EIF5: variants seen among roughly 807,000 people sequenced by gnomAD.
The protein encoded by EIF5 is eukaryotic translation initiation factor 5.
Under a neutral mutation model 48.3 loss-of-function variants are expected in EIF5, and 10 were observed. The ratio of observed to expected loss-of-function variants is 0.21; its 90% CI spans 0.13 to 0.35. EIF5 has a LOEUF of 0.35. EIF5 is among the 10% of genes least tolerant of loss of function. The pLI is 1.00. For synonymous variants in EIF5, 237 were observed against 173.1 expected, an observed-to-expected ratio of 1.37 and a Z score of -2.90; for missense variants, 397 against 533.2, an observed-to-expected ratio of 0.74 and a Z score of 2.51.
chr14:103,339,280 T>C lies in EIF5; in HGVS notation c.853T>C (p.Phe285Leu), dbSNP rs775190276. ...CCCTCTTGTTCTAACTGAAGTTCTT[T>C]TTAATGAGAAGATTAGAGAACAGAT... ...MGPLVLTEVLFNEKIREQIKK... is the reference protein window; with the variant it reads ...MGPLVLTEVLLNEKIREQIKK... Residue 285 changes from phenylalanine to leucine, a missense_variant, in exon 9 of 12, where the codon TTT (phenylalanine) becomes CTT (leucine). Phe to Leu is a conservative substitution (Grantham distance 22). This residue lies in a region of EIF5 where 160 missense variants were observed against 184.8 expected (regional missense o/e 0.87). Coordinates refer to ENST00000216554, the MANE Select transcript of EIF5 (RefSeq NM_001969.5). 1 of 1,610,722 alleles carries C rather than the reference T, an allele frequency of 6.2e-7. No individual in the cohort carries two copies. The highest frequency in any genetic ancestry group is 1.3e-5 in the African/African-American group (1 of 74,736).
chr14:103,340,700 C>T, intron 11 of EIF5, 139 bp downstream of exon 11: 2 of 1,182,092 alleles, frequency 1.7e-6, no homozygotes, highest in Non-Finnish European at 2.4e-6. Flanking sequence ...AATACAGCCT[C>T]TCAATAATTT....
intron 4 of EIF5, chr14:103,336,391 G>T: frequency 1.8e-6 from 1 of 565,426 alleles, no homozygotes; most frequent in Admixed American, 3.3e-5. Context: ...GACCAGCCTA[G>T]CCAACATAGT....
rs757572285 is a variant in EIF5, at chr14:103,344,228, CAG to C, written c.*3177_*3178del. On this transcript the variant is annotated 3_prime_UTR_variant, in exon 12 of 12. Coordinates refer to ENST00000216554, the MANE Select transcript of EIF5 (RefSeq NM_001969.5). ...AGCCTTTGTTAATAGGTTGGGAGCT[CAG>C]GGTGTTTATGTCCACCTGTCTGGTC... is the stretch of plus-strand genomic sequence containing the variant. The C allele has an allele frequency of 1.3e-5, 2 of 152,152 alleles. No homozygotes were observed. The highest frequency in any genetic ancestry group is 2.9e-5 in the Non-Finnish European group (2 of 68,038). The allele number at this position is 152,152 out of a possible 1,614,324, so 9.4% of individuals were successfully genotyped here.
At chr14:103,336,205 C>A in intron 4 of EIF5, 88 bp downstream of exon 4, 1 of 1,284,006 alleles carries the variant, frequency 7.8e-7, no homozygotes, top group Non-Finnish European at 1.1e-6. Context: ...TAATTGTATG[C>A]TAGCTAATTA....
rs541940673 is a variant in EIF5 at position 103,336,517 on chromosome 14, G to A, written c.155-160G>A. 2.1e-5 allele frequency: 15 copies of A among 719,208 alleles called. 1 individual carries two copies. The South Asian group carries it at 2.3e-4, about 11-fold the overall frequency. 44.6% of individuals were successfully genotyped at this position (719,208 alleles called of 1,614,324 possible). On this transcript the variant is annotated intron_variant, in intron 4 of 11. Coordinates refer to ENST00000216554, the MANE Select transcript of EIF5 (RefSeq NM_001969.5). ...AATCGCTTGAACCCCGGAAACGGAG[G>A]TTGCAGTGAGCTGAGACCACGCCGT...
At chr14:103,340,751 C>T (rs1410075075) in intron 11 of EIF5, among the ~76,000 whole-genome samples, 190 bp downstream of exon 11, 4 of 151,972 alleles carry the variant, frequency 2.6e-5, no homozygotes, top group Non-Finnish European at 5.9e-5. Context: ...TGTTCCTACT[C>T]CTACACATTA....
In EIF5 at chr14:103,343,471, T is replaced by A. The variant is rs970620344; in HGVS notation, c.*2419T>A. 5 of 152,216 alleles carry A rather than the reference T, an allele frequency of 3.3e-5. No homozygotes were observed. The highest frequency in any genetic ancestry group is 4.8e-5 in the African/African-American group (2 of 41,458). The allele number at this position is 152,216 out of a possible 1,614,324, so 9.4% of individuals were successfully genotyped here. Reference sequence around the variant, plus strand: ...GTGAATAATTGTATATATCTCTAGTTAAGAATGAGGGAATGGGGAGGTTTG... The same window carrying A: ...GTGAATAATTGTATATATCTCTAGTAAAGAATGAGGGAATGGGGAGGTTTG... On this transcript the variant is annotated 3_prime_UTR_variant, in exon 12 of 12. Transcript: ENST00000216554.
In EIF5 at chr14:103,338,788, G is replaced by C. The variant is rs2089319472; in HGVS notation, c.639G>C (p.Arg213Ser). ...AAGATACAACTGAGGAAGCTCAAAG[G>C]CGTCGAATGGATGAAATCAGTGACC... is the stretch of plus-strand genomic sequence containing the variant. ...WGEDTTEEAQ[R>S]RRMDEISDHA... The change falls in exon 8 of 12, where the codon AGG (arginine) becomes AGC (serine). Residue 213 changes from arginine (R) to serine (S), a missense_variant. Transcript: ENST00000216554. 6.2e-7 allele frequency: 1 copy of C among 1,614,082 alleles called. No individual in the cohort carries two copies. The highest frequency in any genetic ancestry group is 8.5e-7 in the Non-Finnish European group (1 of 1,180,048).
Position 103,343,077 on chromosome 14 carries a change from C to T in EIF5, c.*2025C>T, listed in dbSNP as rs1289025090. On this transcript the variant is annotated 3_prime_UTR_variant, in exon 12 of 12. Transcript: ENST00000216554. ...AATCTGAACTTTGTTCACAGGTTATCCTAATAGAGTAATTCTTCACTTTGC... is the reference window on the plus strand; with the variant it reads ...AATCTGAACTTTGTTCACAGGTTATTCTAATAGAGTAATTCTTCACTTTGC... 6.6e-6 allele frequency: 1 copy of T among 152,618 alleles called. No individual in the cohort carries two copies. Among genetic ancestry groups the T allele is most frequent in the Non-Finnish European group, 1.5e-5 (1 of 68,038 alleles). 9.5% of individuals were successfully genotyped at this position (152,618 alleles called of 1,614,324 possible). A position where few individuals can be genotyped will look rare whatever the true frequency, so the allele number is the denominator to read the frequency against.
In EIF5 at chr14:103,344,778, G is replaced by C. The variant is rs189200711; in HGVS notation, c.*3726G>C. ...AAAAGCAGGGACATCTGAAAGAGAC[G>C]TATTAAGTTAACATTTTTAAAAATC... On this transcript the variant is annotated 3_prime_UTR_variant, in exon 12 of 12. Transcript: ENST00000216554. The C allele has an allele frequency of 2.0e-5, 3 of 152,188 alleles. No homozygotes were observed. Among genetic ancestry groups the C allele is most frequent in the African/African-American group, 7.2e-5 (3 of 41,442 alleles). The allele number at this position is 152,188 out of a possible 1,614,324, so 9.4% of individuals were successfully genotyped here. A position where few individuals can be genotyped will look rare whatever the true frequency, so the allele number is the denominator to read the frequency against.
At chr14:103,340,830 A>G (rs1009246216) in intron 11 of EIF5, 133 bp from the exon 12 acceptor site, 21 of 978,614 alleles carry the variant, frequency 2.1e-5, no homozygotes, top group Admixed American at 6.9e-5. Context: ...CAGTGTTTGC[A>G]TAACAGAGCT....
intron 11 of EIF5, 106 bp downstream of exon 11, chr14:103,340,667 GT>G (rs2089342891): frequency 6.9e-7 from 1 of 1,447,988 alleles, no homozygotes; most frequent in Admixed American, 2.3e-5. Context: ...GTAATTTCAG[GT>G]TTAGAATTTA....
chr14:103,337,606 A>G, intron 6 of EIF5: 1 of 325,018 alleles, frequency 3.1e-6, no homozygotes, highest in South Asian at 2.8e-5. Context: ...TCAAAAAAAC[A>G]ATATAAGGAA....
At chr14:103,338,251 GT>G in intron 6 of EIF5, 75 bp from the exon 7 acceptor site, 1 of 1,562,456 alleles carries the variant, frequency 6.4e-7, no homozygotes, top group African/African-American at 1.4e-5. Context: ...TAAGGGCAGG[GT>G]TTTAAACGTT....
At chr14:103,334,793 C>G (rs2089263416) in intron 2 of EIF5, 196 bp downstream of exon 2, 1 of 149,642 alleles carries the variant, frequency 6.7e-6, no homozygotes, top group African/African-American at 2.4e-5. Context: ...GCGCGTCGCG[C>G]GTGCCCGCCG....
chr14:103,337,576 T>G, intron 6 of EIF5: 4 of 340,888 alleles, frequency 1.2e-5, no homozygotes, highest in Non-Finnish European at 1.6e-5. Flanking sequence ...CACTCCAGCT[T>G]GGGCAACAGC....
At chr14:103,339,522 C>A in intron 9 of EIF5, 117 bp from the exon 10 acceptor site, 1 of 1,494,632 alleles carries the variant, frequency 6.7e-7, no homozygotes, top group Non-Finnish European at 9.2e-7. Flanking sequence ...TATGCATTGA[C>A]CTTTTTGAAC....
In EIF5 at chr14:103,343,453, A is replaced by G. The variant is rs1006457174; in HGVS notation, c.*2401A>G. 1 of 152,206 alleles carries G rather than the reference A, an allele frequency of 6.6e-6. No individual in the cohort carries two copies. Among genetic ancestry groups the G allele is most frequent in the Admixed American group, 6.5e-5 (1 of 15,282 alleles). 9.4% of individuals were successfully genotyped at this position (152,206 alleles called of 1,614,324 possible). A position where few individuals can be genotyped will look rare whatever the true frequency, so the allele number is the denominator to read the frequency against. On this transcript the variant is annotated 3_prime_UTR_variant, in exon 12 of 12. Transcript: ENST00000216554. The stretch of plus-strand genomic sequence containing the variant: ...ACATACAGCTATGTAACTGTGAATA[A>G]TTGTATATATCTCTAGTTAAGAATG...
chr14:103,344,721 G>C lies in EIF5; in HGVS notation c.*3669G>C, dbSNP rs1399591676. 4 of 152,046 alleles carry C rather than the reference G, an allele frequency of 2.6e-5. No homozygotes were observed. Among genetic ancestry groups the C allele is most frequent in the Non-Finnish European group, 4.4e-5 (3 of 67,984 alleles). The allele number at this position is 152,046 out of a possible 1,614,324, so 9.4% of individuals were successfully genotyped here. A position where few individuals can be genotyped will look rare whatever the true frequency, so the allele number is the denominator to read the frequency against. On this transcript the variant is annotated 3_prime_UTR_variant, in exon 12 of 12. Coordinates refer to ENST00000216554, the MANE Select transcript of EIF5 (RefSeq NM_001969.5). The stretch of plus-strand genomic sequence containing the variant: ...CAGTTAACTAAAAAATAAAAATCAA[G>C]TCTTTAGGAGAGTAGAAAACACAAT...
Sources: allele counts gnomAD v4.1 joint callset (sites outside exome capture counted in the v4.1 genomes callset), GRCh38; gene constraint gnomAD v4.1.1; regional missense constraint gnomAD v4.1.1; transcripts MANE v1.5; gene names NCBI Gene and HGNC (gene_info 2026-07-23, HGNC 2026-07-21).